Variants in CYSTM1 observed in about 807,000 individuals in gnomAD.
The protein encoded by CYSTM1 is cysteine rich transmembrane module containing 1.
Under a neutral mutation model 13.1 loss-of-function variants are expected in CYSTM1, and 4 were observed. The ratio of observed to expected loss-of-function variants is 0.31; its 90% CI spans 0.15 to 0.70. The LOEUF is 0.70. CYSTM1 is among the 30% of genes least tolerant of loss of function. CYSTM1 has a pLI of 0.72. For synonymous variants in CYSTM1, 36 were observed against 42.7 expected (o/e 0.84, Z 0.62); for missense variants, 96 against 121.6 (o/e 0.79, Z 0.99).
chr5:140,239,008 C>A lies in CYSTM1; in HGVS notation c.188-4297C>A, dbSNP rs557864031. The stretch of plus-strand genomic sequence containing the variant: ...GTGATAAGGGGCCACGGTGCTGCTT[C>A]CTCACTCCTGGAGCAAGAAGGCTGC... On this transcript the variant is annotated intron_variant, in intron 2 of 2. Coordinates refer to ENST00000261811, the MANE Select transcript of CYSTM1 (RefSeq NM_032412.4). The surrounding 1 kb of genome is among the most constrained non-coding windows in gnomAD (Gnocchi z 5.4). 6.6e-6 allele frequency among the ~76,000 whole-genome samples: 1 copy of A among 152,298 alleles called. No homozygotes were observed. Among genetic ancestry groups the A allele is most frequent in the African/African-American group, 2.4e-5 (1 of 41,564 alleles).
chr5:140,223,736 C>T (rs1472514216), intron 2 of CYSTM1, among the ~76,000 whole-genome samples: 1 of 152,224 alleles, frequency 6.6e-6, no homozygotes. Flanking sequence ...CTGGGAGGGG[C>T]CTGCTCATGA....
At chr5:140,185,415 ACT>A (rs1436233545) in intron 1 of CYSTM1, among the ~76,000 whole-genome samples, 1 of 152,100 alleles carries the variant, frequency 6.6e-6, no homozygotes, top group Non-Finnish European at 1.5e-5. Context: ...GCCTGGTAAA[ACT>A]CTGGCAAACA....
At chr5:140,204,690 C>G (rs397463) in intron 2 of CYSTM1, among the ~76,000 whole-genome samples, 77,148 of 151,950 alleles carry the variant, frequency 0.51, 19,825 homozygotes, top group East Asian at 0.55. Flanking sequence ...TTTGAGTGTG[C>G]CCTGCCTCCC....
intron 2 of CYSTM1, among the ~76,000 whole-genome samples, chr5:140,233,533 C>T (rs909064847): frequency 6.6e-6 from 1 of 152,178 alleles, no homozygotes; most frequent in Non-Finnish European, 1.5e-5. Context: ...ATTTCTGGAT[C>T]ATATGGTAGG....
intron 1 of CYSTM1, among the ~76,000 whole-genome samples, chr5:140,185,805 G>C (rs1369034028): frequency 6.6e-6 from 1 of 152,194 alleles, no homozygotes; most frequent in Admixed American, 6.5e-5. Flanking sequence ...GCCTATTGTT[G>C]TGACTTTGGC....
In CYSTM1 at chr5:140,219,193, C is replaced by T. The variant is rs1285894319; in HGVS notation, c.188-24112C>T. Among the ~76,000 whole-genome samples the T allele has an allele frequency of 6.6e-6, 1 of 152,108 alleles. No individual in the cohort carries two copies. Among genetic ancestry groups the T allele is most frequent in the Non-Finnish European group, 1.5e-5 (1 of 68,030 alleles). On this transcript the variant is annotated intron_variant, in intron 2 of 2. Coordinates refer to ENST00000261811, the MANE Select transcript of CYSTM1 (RefSeq NM_032412.4). This position sits in a 1 kb window ranked among gnomAD's most constrained non-coding sequence, Gnocchi z 4.1. Reference sequence around the variant, plus strand: ...GTGAAGTCTCTAGCCTCACATTTGCCAAATAATCACATCTCAGTGGGTAAA... The same window carrying T: ...GTGAAGTCTCTAGCCTCACATTTGCTAAATAATCACATCTCAGTGGGTAAA...
At chr5:140,220,124 C>T (rs1382396146) in intron 2 of CYSTM1, among the ~76,000 whole-genome samples, 1 of 152,234 alleles carries the variant, frequency 6.6e-6, no homozygotes, top group Non-Finnish European at 1.5e-5. Context: ...CTCTGTTTCA[C>T]TCTTACCTTT....
intron 2 of CYSTM1, among the ~76,000 whole-genome samples, chr5:140,221,013 G>A (rs1310992421): frequency 6.6e-6 from 1 of 152,086 alleles, no homozygotes; most frequent in African/African-American, 2.4e-5. Flanking sequence ...AAGTGTCCTG[G>A]AATTCTCATG....
chr5:140,217,983 T>C (rs879853166), intron 2 of CYSTM1, among the ~76,000 whole-genome samples: 5 of 152,294 alleles, frequency 3.3e-5, no homozygotes, highest in Middle Eastern at 3.4e-3. Context: ...AAGGAATTGC[T>C]AAATAGGACC....
chr5:140,186,310 T>C (rs1168524992), intron 1 of CYSTM1, among the ~76,000 whole-genome samples: 1 of 152,242 alleles, frequency 6.6e-6, no homozygotes, highest in Non-Finnish European at 1.5e-5. Context: ...GCAGCAAACC[T>C]AGAAGTCTGC....
In CYSTM1 at chr5:140,243,549, T is replaced by G. The variant is rs1344756368; in HGVS notation, c.*138T>G. The G allele has an allele frequency of 1.6e-6, 1 of 610,030 alleles. No individual in the cohort carries two copies. Among genetic ancestry groups the G allele is most frequent in the Admixed American group, 3.1e-5 (1 of 31,754 alleles). The allele number at this position is 610,030 out of a possible 1,614,324, so 37.8% of individuals were successfully genotyped here. A position where few individuals can be genotyped will look rare whatever the true frequency, so the allele number is the denominator to read the frequency against. On this transcript the variant is annotated 3_prime_UTR_variant, in exon 3 of 3. Coordinates refer to ENST00000261811, the MANE Select transcript of CYSTM1 (RefSeq NM_032412.4). ...CTCTACCTTCAGCACTATGGGATTC[T>G]AGATTAATGGGGGTTGCTACTGTTT...
In CYSTM1 at chr5:140,243,371, CG is replaced by C. The variant is rs1561487036; in HGVS notation, c.256del (p.Ala86LeufsTer29). ...GPSTCLTACW[T>X]ALCCCCLWDM... ...TCCACCTGCCTCACAGCCTGCTGGA[CG>C]GCTCTCTGTTGCTGCTGTCTCTGGG... On this transcript the variant is annotated frameshift_variant, in exon 3 of 3. Coordinates refer to ENST00000261811, the MANE Select transcript of CYSTM1 (RefSeq NM_032412.4). LOFTEE classifies it high-confidence loss of function. 6.2e-7 allele frequency: 1 copy of C among 1,614,120 alleles called. No homozygotes were observed. Among genetic ancestry groups the C allele is most frequent in the Non-Finnish European group, 8.5e-7 (1 of 1,180,006 alleles).
chr5:140,217,234 T>G (rs1352168202), intron 2 of CYSTM1, among the ~76,000 whole-genome samples: 1 of 152,176 alleles, frequency 6.6e-6, no homozygotes, highest in African/African-American at 2.4e-5. Flanking sequence ...GAGTTCTTAA[T>G]GGGTAAAAGT....
chr5:140,221,113 C>T (rs1481789866), intron 2 of CYSTM1, among the ~76,000 whole-genome samples: 1 of 152,180 alleles, frequency 6.6e-6, no homozygotes, highest in Non-Finnish European at 1.5e-5. Context: ...TCGAGGTTAC[C>T]GTGAGCTATG....
chr5:140,199,028 C>G (rs981996913), intron 2 of CYSTM1, among the ~76,000 whole-genome samples: 8 of 152,086 alleles, frequency 5.3e-5, no homozygotes, highest in African/African-American at 1.9e-4. Flanking sequence ...CTTTGTTCAG[C>G]TCCCACTTAT....
chr5:140,229,195 C>T (rs943108324), intron 2 of CYSTM1, among the ~76,000 whole-genome samples: 3 of 152,006 alleles, frequency 2.0e-5, no homozygotes, highest in African/African-American at 7.3e-5. Context: ...TTCTTCCTAT[C>T]TGACTCTCTT....
At chr5:140,181,437 T>A (rs1763961510) in intron 1 of CYSTM1, among the ~76,000 whole-genome samples, 1 of 152,174 alleles carries the variant, frequency 6.6e-6, no homozygotes, top group South Asian at 2.1e-4. Context: ...TTTGGTGGCC[T>A]TTAATGTCTG....
At chr5:140,186,694 C>T (rs1340362862) in intron 1 of CYSTM1, among the ~76,000 whole-genome samples, 1 of 152,126 alleles carries the variant, frequency 6.6e-6, no homozygotes, top group African/African-American at 2.4e-5. Flanking sequence ...CACCTGGAAC[C>T]CAGTAGTACT....
In CYSTM1 at chr5:140,211,470, T is replaced by C. The variant is rs193069901; in HGVS notation, c.187+16818T>C. Among the ~76,000 whole-genome samples the C allele has an allele frequency of 2.6e-5, 4 of 152,346 alleles. No homozygotes were observed. The East Asian group carries it at 7.7e-4, about 29-fold the overall frequency. On this transcript the variant is annotated intron_variant, in intron 2 of 2. Transcript: ENST00000261811. ...TTCAGGGTAGTGGTATCTCAAATTTTACATCTGTGGAACCAGGGTCTTAGA... is the reference window on the plus strand; with the variant it reads ...TTCAGGGTAGTGGTATCTCAAATTTCACATCTGTGGAACCAGGGTCTTAGA...
Sources: allele counts gnomAD v4.1 joint callset (sites outside exome capture counted in the v4.1 genomes callset), GRCh38; gene constraint gnomAD v4.1.1; non-coding constraint Gnocchi (gnomAD v3.1); transcripts MANE v1.5; gene names NCBI Gene and HGNC (gene_info 2026-07-23, HGNC 2026-07-21).